MYO5B: variants seen among roughly 807,000 people sequenced by gnomAD.
MYO5B encodes unconventional myosin-Vb.
A neutral mutation model predicts 229.3 loss-of-function variants in MYO5B; 143 were observed. That is an observed-to-expected ratio of 0.62 (90% CI 0.54 to 0.72). The LOEUF (loss-of-function observed/expected upper bound fraction) is 0.72. Ranked by LOEUF, MYO5B falls within the 30% of genes least tolerant of loss-of-function variation. The pLI is 0.00. For synonymous variants in MYO5B, 918 were observed against 885.2 expected, an observed-to-expected ratio of 1.04 and a Z score of -0.66; for missense variants, 2,321 against 2,331.0, an observed-to-expected ratio of 1.00 and a Z score of 0.09.
chr18:50,194,547 A>T (rs887533615), intron 1 of MYO5B, among the ~76,000 whole-genome samples: 13 of 152,132 alleles, frequency 8.5e-5, no homozygotes, highest in Non-Finnish European at 1.9e-4. Flanking sequence ...AACCTCTAGG[A>T]GCCGGGTGGC....
chr18:50,111,244 A>G (rs1354366836), intron 1 of MYO5B, among the ~76,000 whole-genome samples: 2 of 152,250 alleles, frequency 1.3e-5, no homozygotes, highest in Admixed American at 6.5e-5. Flanking sequence ...TTGCACTGCC[A>G]TCATTTATAA....
intron 10 of MYO5B, among the ~76,000 whole-genome samples, chr18:49,973,947 G>A (rs1047852195): frequency 2.0e-5 from 3 of 152,140 alleles, no homozygotes; most frequent in South Asian, 2.1e-4. Flanking sequence ...GAGGTCAAAT[G>A]GTAGATTGAA....
At chr18:50,079,423 T>C (rs1336906755) in intron 1 of MYO5B, among the ~76,000 whole-genome samples, 1 of 152,174 alleles carries the variant, frequency 6.6e-6, no homozygotes, top group Non-Finnish European at 1.5e-5. Context: ...GATGAGAGCA[T>C]CCACCCCTTG....
chr18:50,013,615 C>A (rs1035443927), intron 4 of MYO5B, among the ~76,000 whole-genome samples: 3 of 152,206 alleles, frequency 2.0e-5, no homozygotes, highest in Non-Finnish European at 2.9e-5. Context: ...TCCCTGCCCT[C>A]TCTCGAGTGT....
Position 49,937,294 on chromosome 18 carries a change from G to A in MYO5B, c.1856C>T (p.Pro619Leu), listed in dbSNP as rs745884966. The A allele has an allele frequency of 4.3e-6, 7 of 1,614,024 alleles. No individual in the cohort carries two copies. The highest frequency in any genetic ancestry group is 5.9e-6 in the Non-Finnish European group (7 of 1,180,034). ...SSKISVRSARPPMKVSNKEHK... is the reference protein window; with the variant it reads ...SSKISVRSARLPMKVSNKEHK... ...CTCCTTGTTGGAGACTTTCATGGGG[G>A]GTCTGGCAGAACGGACGCTGATCTT... Residue 619 changes from proline (P) to leucine (L), a missense_variant, in exon 15 of 40, where the codon CCC becomes CTC. Transcript: ENST00000285039.
chr18:50,051,776 A>G (rs2030399785), intron 2 of MYO5B, among the ~76,000 whole-genome samples: 1 of 152,242 alleles, frequency 6.6e-6, no homozygotes, highest in African/African-American at 2.4e-5. Flanking sequence ...GCCAGACACA[A>G]AAGGACAAAT....
At chr18:50,186,194 G>T (rs531406053) in intron 1 of MYO5B, among the ~76,000 whole-genome samples, 3 of 152,284 alleles carry the variant, frequency 2.0e-5, no homozygotes, top group African/African-American at 7.2e-5. Flanking sequence ...TCCCAAGCTG[G>T]GCCAGCCTCA....
intron 1 of MYO5B, among the ~76,000 whole-genome samples, chr18:50,172,952 C>A (rs1002631253): frequency 6.6e-6 from 1 of 152,190 alleles, no homozygotes; most frequent in Non-Finnish European, 1.5e-5. Flanking sequence ...CAGACACCTG[C>A]ACTGTTCAGT....
chr18:50,049,733 A>G (rs2030341178), intron 2 of MYO5B, among the ~76,000 whole-genome samples: 1 of 152,180 alleles, frequency 6.6e-6, no homozygotes, highest in Non-Finnish European at 1.5e-5. Flanking sequence ...GACATTGCCA[A>G]ATGTTCGGGG....
chr18:50,179,316 C>A (rs1298285298), intron 1 of MYO5B, among the ~76,000 whole-genome samples: 1 of 152,182 alleles, frequency 6.6e-6, no homozygotes, highest in East Asian at 1.9e-4. Flanking sequence ...ATCTGATGCA[C>A]CCAAAGTAGA....
chr18:49,945,194 C>A (rs1302995637), intron 14 of MYO5B, among the ~76,000 whole-genome samples: 1 of 152,138 alleles, frequency 6.6e-6, no homozygotes, highest in Admixed American at 6.5e-5. Flanking sequence ...TCCCTGGGGA[C>A]AGTCTCCCCT....
intron 20 of MYO5B, among the ~76,000 whole-genome samples, chr18:49,903,713 G>A (rs2024869127): frequency 6.6e-6 from 1 of 152,194 alleles, no homozygotes; most frequent in South Asian, 2.1e-4. Context: ...TAATGAAAAA[G>A]AAAACCATTT....
intron 1 of MYO5B, among the ~76,000 whole-genome samples, chr18:50,142,253 C>T (rs1322475603): frequency 6.6e-6 from 1 of 152,188 alleles, no homozygotes; most frequent in Non-Finnish European, 1.5e-5. Flanking sequence ...CCTCCCAGAA[C>T]AGTACTGGTT....
At chr18:50,091,265 C>T (rs185132938) in intron 1 of MYO5B, among the ~76,000 whole-genome samples, 141 of 152,296 alleles carry the variant, frequency 9.3e-4, no homozygotes, top group Non-Finnish European at 1.6e-3. Context: ...TCAACTACTG[C>T]GTATTTACTA....
chr18:49,920,643 A>G lies in MYO5B; in HGVS notation c.2091-8470T>C, dbSNP rs148855031. The stretch of plus-strand genomic sequence containing the variant: ...AGACACAAAGTGAGGACACAGGAAA[A>G]CCCACTCCATCCTATCACTGCTTGG... On this transcript the variant is annotated intron_variant, in intron 17 of 39. Transcript: ENST00000285039. Among the ~76,000 whole-genome samples, 425 of 152,246 alleles carry G rather than the reference A, an allele frequency of 2.8e-3. 2 individuals carry two copies. Among genetic ancestry groups the G allele is most frequent in the Non-Finnish European group, 4.5e-3 (309 of 68,028 alleles).
chr18:49,953,139 G>A (rs116591610), intron 14 of MYO5B, 121 bp downstream of exon 14: 4 of 862,618 alleles, frequency 4.6e-6, no homozygotes, highest in Admixed American at 1.8e-5. Context: ...CAACAAACCC[G>A]TTGGCCTCCT....
intron 1 of MYO5B, among the ~76,000 whole-genome samples, chr18:50,074,764 T>C (rs1201046575): frequency 6.6e-6 from 1 of 152,238 alleles, no homozygotes; most frequent in Non-Finnish European, 1.5e-5. Flanking sequence ...ATCTCTTGCC[T>C]GTCTCATGCC....
intron 14 of MYO5B, among the ~76,000 whole-genome samples, chr18:49,939,763 G>C (rs1272964019): frequency 5.9e-5 from 9 of 152,188 alleles, no homozygotes; most frequent in African/African-American, 2.2e-4. Flanking sequence ...ATATAGCCTT[G>C]TCATTTAAAC....
intron 1 of MYO5B, among the ~76,000 whole-genome samples, chr18:50,149,302 A>G (rs1210948736): frequency 6.6e-6 from 1 of 150,686 alleles, no homozygotes; most frequent in African/African-American, 2.4e-5. Context: ...TCAAGCTACC[A>G]ATGACTTTCT....
Sources: gnomAD v4.1 joint callset for allele counts (sites outside exome capture counted in the v4.1 genomes callset) on GRCh38, gnomAD v4.1.1 for gene constraint, MANE v1.5 for transcripts, NCBI Gene and HGNC (gene_info 2026-07-23, HGNC 2026-07-21) for gene names.